CEP41: variants seen among roughly 807,000 people sequenced by gnomAD.
CEP41 encodes the protein centrosomal protein 41, also known as centrosomal protein of 41 kDa.
In CEP41, 32 loss-of-function variants were observed where a neutral mutation model predicts 44.3. That is an observed-to-expected ratio of 0.72 (90% CI 0.54 to 0.97). The LOEUF (loss-of-function observed/expected upper bound fraction) is 0.97. Ranked by LOEUF, CEP41 falls within the 50% of genes least tolerant of loss-of-function variation. CEP41 has a pLI of 0.00. For synonymous variants in CEP41, 151 were observed against 168.5 expected, an observed-to-expected ratio of 0.90 and a Z score of 0.80; for missense variants, 432 against 455.2, an observed-to-expected ratio of 0.95 and a Z score of 0.46.
chr7:130,410,200 AT>A lies in CEP41; in HGVS notation c.277+921del, dbSNP rs1183062298. Among the ~76,000 whole-genome samples, 167 of 150,172 alleles carry A rather than the reference AT, an allele frequency of 1.1e-3. 1 individual carries two copies. The highest frequency in any genetic ancestry group is 2.0e-3 in the Non-Finnish European group (134 of 67,434). ...ACCACCGTGCCTGGCTAATTTTTCT[AT>A]TTTTTTTAGTAGAGACAGGGTTTCA... On this transcript the variant is annotated intron_variant, in intron 5 of 10. Coordinates refer to ENST00000223208, the MANE Select transcript of CEP41 (RefSeq NM_018718.3).
chr7:130,431,397 C>T (rs1444440002), intron 1 of CEP41, among the ~76,000 whole-genome samples: 2 of 152,206 alleles, frequency 1.3e-5, no homozygotes, highest in South Asian at 2.1e-4. Flanking sequence ...CTACTAGGGG[C>T]AAGCCTCTGT....
chr7:130,421,826 G>GGAA, intron 2 of CEP41: 1 of 1,380,898 alleles, frequency 7.2e-7, no homozygotes, highest in East Asian at 2.7e-5. Context: ...CTGTGGTTTG[G>GGAA]AAAGTGTCCC....
At chr7:130,402,854 G>A in intron 6 of CEP41, 55 bp from the exon 7 acceptor site, 1 of 1,557,402 alleles carries the variant, frequency 6.4e-7, no homozygotes, top group Non-Finnish European at 8.9e-7. Flanking sequence ...TGGCTTAAAG[G>A]TCGAACGTGT....
At chr7:130,420,959 T>A (rs1218640467) in intron 2 of CEP41, 1 of 983,296 alleles carries the variant, frequency 1.0e-6, no homozygotes, top group Non-Finnish European at 1.2e-6. Flanking sequence ...ATACAGTATA[T>A]GTTATGTGCT....
At chr7:130,436,113 C>T (rs180761009) in intron 1 of CEP41, among the ~76,000 whole-genome samples, 3 of 152,198 alleles carry the variant, frequency 2.0e-5, no homozygotes, top group East Asian at 3.9e-4. Context: ...GAGATGGTGC[C>T]GCTGCACTCC....
At chr7:130,419,601 C>T in intron 2 of CEP41, 1 of 984,014 alleles carries the variant, frequency 1.0e-6, no homozygotes, top group Non-Finnish European at 1.2e-6. Context: ...TGAAATTACA[C>T]ATTACTGCCA....
At chr7:130,412,395 GGTA>G (rs1211665255) in intron 3 of CEP41, among the ~76,000 whole-genome samples, 155 bp from the exon 4 acceptor site, 2 of 152,168 alleles carry the variant, frequency 1.3e-5, no homozygotes, top group Non-Finnish European at 2.9e-5. Flanking sequence ...AGGTGTGGCA[GGTA>G]GTAGTATCAT....
At chr7:130,414,534 TG>T (rs1354628899) in intron 3 of CEP41, among the ~76,000 whole-genome samples, 1 of 152,252 alleles carries the variant, frequency 6.6e-6, no homozygotes, top group Non-Finnish European at 1.5e-5. Flanking sequence ...AAGCATAAAA[TG>T]TATACTTTAA....
intron 1 of CEP41, among the ~76,000 whole-genome samples, chr7:130,437,784 AAAAAGAAAAAG>A (rs1346229550): frequency 0.012 from 1,554 of 134,434 alleles, 130 homozygotes; most frequent in African/African-American, 0.042. Context: ...AAAAAAAAAA[AAAAAGAAAAAG>A]AAAAAAAAAG....
intron 1 of CEP41, among the ~76,000 whole-genome samples, chr7:130,440,070 A>G (rs1278113602): frequency 6.6e-6 from 1 of 152,174 alleles, no homozygotes; most frequent in South Asian, 2.1e-4. Flanking sequence ...CCCAGGCTGG[A>G]GTGCAATGGC....
intron 5 of CEP41, among the ~76,000 whole-genome samples, chr7:130,405,416 T>C (rs2117578081): frequency 6.6e-6 from 1 of 152,338 alleles, no homozygotes; most frequent in South Asian, 2.1e-4. Flanking sequence ...CTGTTTGTTA[T>C]TTCAGGGAAC....
chr7:130,410,465 T>C (rs1797148552), intron 5 of CEP41, among the ~76,000 whole-genome samples: 1 of 152,332 alleles, frequency 6.6e-6, no homozygotes. Context: ...AAGAAGACAC[T>C]GGATGCTACT....
intron 1 of CEP41, among the ~76,000 whole-genome samples, chr7:130,438,549 A>C (rs1233071497): frequency 6.6e-6 from 1 of 151,908 alleles, no homozygotes; most frequent in Non-Finnish European, 1.5e-5. Flanking sequence ...ACAGAGTGAG[A>C]CTCTGTCTCA....
At chr7:130,431,110 G>A (rs1554424985) in intron 1 of CEP41, among the ~76,000 whole-genome samples, 1 of 148,938 alleles carries the variant, frequency 6.7e-6, no homozygotes, top group Non-Finnish European at 1.5e-5. Context: ...TGACTTTCTA[G>A]TACCAACCGC....
At chr7:130,407,168 C>T (rs1554418371) in intron 5 of CEP41, among the ~76,000 whole-genome samples, 1 of 151,034 alleles carries the variant, frequency 6.6e-6, no homozygotes, top group African/African-American at 2.4e-5. Flanking sequence ...AATGTTAATC[C>T]CTCCCAAATT....
At chr7:130,433,574 A>G (rs1157353295) in intron 1 of CEP41, among the ~76,000 whole-genome samples, 1 of 152,180 alleles carries the variant, frequency 6.6e-6, no homozygotes, top group Non-Finnish European at 1.5e-5. Flanking sequence ...CTTTGAAAAC[A>G]ACCAAAAATG....
intron 1 of CEP41, among the ~76,000 whole-genome samples, chr7:130,435,922 A>C (rs565357455): frequency 9.2e-5 from 14 of 152,336 alleles, no homozygotes; most frequent in Admixed American, 5.9e-4. Context: ...TGGGAGGCCG[A>C]GGCTGGTGGA....
At chr7:130,399,925 C>T in intron 10 of CEP41, 114 bp downstream of exon 10, 1 of 853,102 alleles carries the variant, frequency 1.2e-6, no homozygotes, top group Non-Finnish European at 2.0e-6. Flanking sequence ...GCACCTGTAA[C>T]ATACCTCCCT....
intron 2 of CEP41, chr7:130,420,942 G>A: frequency 1.0e-5 from 10 of 982,686 alleles, no homozygotes; most frequent in Non-Finnish European, 1.2e-5. Flanking sequence ...TGTACAACTT[G>A]ACTTATATAC....
Sources: allele counts gnomAD v4.1 joint callset (sites outside exome capture counted in the v4.1 genomes callset), GRCh38; gene constraint gnomAD v4.1.1; transcripts MANE v1.5; gene names NCBI Gene and HGNC (gene_info 2026-07-23, HGNC 2026-07-21).